ARHGEF28: variants seen among roughly 807,000 people sequenced by gnomAD.
The protein encoded by ARHGEF28 is Rho guanine nucleotide exchange factor 28.
Under a neutral mutation model 206.6 loss-of-function variants are expected in ARHGEF28, and 152 were observed. The observed-to-expected ratio is 0.74, with a 90% CI of 0.64 to 0.84. ARHGEF28 has a LOEUF of 0.84. Among genes scored for constraint, ARHGEF28 ranks in the 40% least tolerant of loss-of-function variants. The probability of loss-of-function intolerance (pLI) is 0.00; values close to 1 mark genes in which losing one functional copy is unlikely to be tolerated. For missense variants in ARHGEF28, 2,028 were observed against 2,073.2 expected (o/e 0.98, Z 0.42); for synonymous variants, 763 against 776.4 (o/e 0.98, Z 0.29).
intron 7 of ARHGEF28, among the ~76,000 whole-genome samples, chr5:73,782,255 A>G (rs531015776): frequency 1.9e-4 from 29 of 152,224 alleles, no homozygotes; most frequent in African/African-American, 6.7e-4. Context: ...CCTGACCAAC[A>G]TGGCGAAACC....
intron 13 of ARHGEF28, among the ~76,000 whole-genome samples, chr5:73,852,423 T>C (rs1243483468): frequency 1.3e-5 from 2 of 152,190 alleles, no homozygotes. Context: ...AGTCATTAAA[T>C]GTTGGCATAT....
In ARHGEF28 at chr5:73,941,166, T is replaced by G. The variant is rs2112073540; in HGVS notation, c.*153T>G. The stretch of plus-strand genomic sequence containing the variant: ...TGGAAGCTCATTTTTTTGGCATGAG[T>G]CTAATTAAATTATTGAAAGCCACCC... On this transcript the variant is annotated 3_prime_UTR_variant, in exon 36 of 36. Transcript: ENST00000513042. 1.5e-6 allele frequency: 1 copy of G among 688,174 alleles called. No homozygotes were observed. Among genetic ancestry groups the G allele is most frequent in the East Asian group, 3.8e-5 (1 of 26,000 alleles). 42.6% of individuals were successfully genotyped at this position (688,174 alleles called of 1,614,324 possible).
At chr5:73,934,839 T>C (rs1764326359) in intron 35 of ARHGEF28, among the ~76,000 whole-genome samples, 1 of 152,228 alleles carries the variant, frequency 6.6e-6, no homozygotes. Context: ...CACTACATTC[T>C]TTTATCGTCA....
At position 73,911,591 on chromosome 5, in the gene ARHGEF28, A is replaced by T; in HGVS notation, c.4948+16A>T. On this transcript the variant is annotated intron_variant, in intron 35 of 35. Coordinates refer to ENST00000513042, the MANE Select transcript of ARHGEF28 (RefSeq NM_001177693.2). ...TGTAAAAATGGTAATTAACACTTTA[A>T]ACATCATCTGTATAGTTTGAACAAG... 1 of 1,570,074 alleles carries T rather than the reference A, an allele frequency of 6.4e-7. No individual in the cohort carries two copies. Among genetic ancestry groups the T allele is most frequent in the Non-Finnish European group, 8.7e-7 (1 of 1,155,074 alleles).
chr5:73,677,644 A>G (rs1229321434), intron 1 of ARHGEF28, among the ~76,000 whole-genome samples: 1 of 152,248 alleles, frequency 6.6e-6, no homozygotes, highest in Non-Finnish European at 1.5e-5. Context: ...AAACAATAAA[A>G]GATATTTGGA....
At chr5:73,774,784 G>A (rs553007169) in intron 5 of ARHGEF28, among the ~76,000 whole-genome samples, 3 of 152,226 alleles carry the variant, frequency 2.0e-5, no homozygotes, top group African/African-American at 7.2e-5. Context: ...ACTTAACGTG[G>A]TAAAAAACCA....
intron 23 of ARHGEF28, among the ~76,000 whole-genome samples, chr5:73,883,023 T>G (rs186981536): frequency 1.3e-5 from 2 of 152,332 alleles, no homozygotes; most frequent in East Asian, 3.9e-4. Flanking sequence ...ACAAATAAAG[T>G]AACAATAGTT....
At chr5:73,869,435 G>A (rs72772562) in intron 20 of ARHGEF28, among the ~76,000 whole-genome samples, 5,649 of 152,232 alleles carry the variant, frequency 0.037, 177 homozygotes, top group Non-Finnish European at 0.053. Context: ...AGATTCTGTA[G>A]ACACATTATG....
At chr5:73,832,148 C>T (rs1012563194) in intron 9 of ARHGEF28, among the ~76,000 whole-genome samples, 190 bp from the exon 10 acceptor site, 11 of 152,164 alleles carry the variant, frequency 7.2e-5, no homozygotes, top group Admixed American at 5.9e-4. Context: ...TTTCATCCTA[C>T]GTAAAAATTC....
intron 2 of ARHGEF28, among the ~76,000 whole-genome samples, chr5:73,697,616 A>T (rs1369962399): frequency 1.3e-5 from 2 of 152,006 alleles, no homozygotes; most frequent in Non-Finnish European, 2.9e-5. Flanking sequence ...CTCCCACAAT[A>T]ACCCATTAAT....
At chr5:73,683,521 A>G (rs1375486286) in intron 1 of ARHGEF28, among the ~76,000 whole-genome samples, 1 of 151,874 alleles carries the variant, frequency 6.6e-6, no homozygotes, top group African/African-American at 2.4e-5. Flanking sequence ...GTCCAATTGT[A>G]GCATGTGTTG....
chr5:73,783,345 A>AGTAGTGT (rs1366459213), intron 7 of ARHGEF28, among the ~76,000 whole-genome samples: 2 of 145,812 alleles, frequency 1.4e-5, no homozygotes, highest in African/African-American at 2.5e-5. Context: ...CCTGGAATAT[A>AGTAGTGT]GTGTGTGTGT....
intron 11 of ARHGEF28, among the ~76,000 whole-genome samples, chr5:73,843,456 G>A (rs1758114768): frequency 6.6e-6 from 1 of 152,202 alleles, no homozygotes; most frequent in East Asian, 1.9e-4. Context: ...TGGGGTGGCT[G>A]TGGGTCCCTT....
At chr5:73,735,783 C>T (rs760751955) in intron 2 of ARHGEF28, among the ~76,000 whole-genome samples, 12 of 152,238 alleles carry the variant, frequency 7.9e-5, no homozygotes, top group Non-Finnish European at 1.5e-4. Flanking sequence ...CTCCTCCTAT[C>T]CTACTTTCTA....
Position 73,870,086 on chromosome 5 carries a change from C to T in ARHGEF28, c.2443C>T (p.Leu815=), listed in dbSNP as rs775713336. Residue 815 remains leucine, a synonymous_variant, in exon 21 of 36, where the codon CTG becomes TTG. Transcript: ENST00000513042. ...CACATTAGATGTTGTGGATTCTTCTCTGTGGAGTGACCTCAGCAGTGATGC... is the reference window on the plus strand; with the variant it reads ...CACATTAGATGTTGTGGATTCTTCTTTGTGGAGTGACCTCAGCAGTGATGC... ...FIMEDVVDSS[L]WSDLSSDAQE... is the part of the protein sequence containing the mutation. 1.2e-6 allele frequency: 2 copies of T among 1,613,648 alleles called. No homozygotes were observed. The highest frequency in any genetic ancestry group is 1.7e-6 in the Non-Finnish European group (2 of 1,179,778).
chr5:73,934,575 G>T (rs1431814278), intron 35 of ARHGEF28, among the ~76,000 whole-genome samples: 2 of 152,104 alleles, frequency 1.3e-5, no homozygotes, highest in South Asian at 2.1e-4. Context: ...ATTTGTTCTG[G>T]CATCTTGACC....
intron 4 of ARHGEF28, among the ~76,000 whole-genome samples, chr5:73,766,492 G>T (rs1181932001): frequency 6.6e-6 from 1 of 152,204 alleles, no homozygotes; most frequent in East Asian, 1.9e-4. Context: ...AGAGCTGACT[G>T]GGTAGGCTGT....
At chr5:73,681,243 A>G (rs1402645977) in intron 1 of ARHGEF28, among the ~76,000 whole-genome samples, 1 of 152,176 alleles carries the variant, frequency 6.6e-6, no homozygotes, top group African/African-American at 2.4e-5. Flanking sequence ...TAGATGACAA[A>G]TTGCTAATAT....
chr5:73,849,630 C>CTA (rs1554070696), intron 13 of ARHGEF28, among the ~76,000 whole-genome samples: 21 of 151,456 alleles, frequency 1.4e-4, no homozygotes, highest in Non-Finnish European at 3.1e-4. Context: ...AGGCAATAAA[C>CTA]TTAATTTAAA....
Sources: gnomAD v4.1 joint callset for allele counts (sites outside exome capture counted in the v4.1 genomes callset) on GRCh38, gnomAD v4.1.1 for gene constraint, MANE v1.5 for transcripts, NCBI Gene and HGNC (gene_info 2026-07-23, HGNC 2026-07-21) for gene names.